The following ESR1 variants were observed in gnomAD, a reference collection of about 807,000 sequenced individuals.
ESR1 encodes the protein estrogen receptor.
In ESR1, 12 loss-of-function variants were observed where a neutral mutation model predicts 52.7. That is an observed-to-expected ratio of 0.23 (90% confidence interval 0.15 to 0.37). ESR1 has a LOEUF of 0.37. ESR1 is among the 10% of genes least tolerant of loss of function. The pLI is 1.00. For missense variants in ESR1, 584 were observed against 779.7 expected (o/e 0.75, Z 2.99); for synonymous variants, 305 against 316.8 (o/e 0.96, Z 0.39).
chr6:151,773,754 G>A (rs1785714253), intron 2 of ESR1, among the ~76,000 whole-genome samples: 1 of 152,196 alleles, frequency 6.6e-6, no homozygotes, highest in Non-Finnish European at 1.5e-5. Flanking sequence ...GTAGAGTAAA[G>A]AGCAGAACTT....
chr6:152,005,233 C>T (rs573145187), intron 4 of ESR1, among the ~76,000 whole-genome samples: 3 of 152,056 alleles, frequency 2.0e-5, no homozygotes, highest in East Asian at 3.9e-4. Flanking sequence ...AAACCCCAAA[C>T]GTGCTTTCTT....
chr6:151,998,368 CT>C (rs5880952), intron 4 of ESR1, among the ~76,000 whole-genome samples: 19,542 of 149,946 alleles, frequency 0.13, 1,481 homozygotes, highest in East Asian at 0.33. Flanking sequence ...AGTATTATTT[CT>C]TTTTTTTTTC....
At chr6:151,887,062 C>T (rs1218562179) in intron 3 of ESR1, among the ~76,000 whole-genome samples, 1 of 149,558 alleles carries the variant, frequency 6.7e-6, no homozygotes, top group African/African-American at 2.5e-5. Context: ...AAAAAGTATA[C>T]AACCAATTAT....
chr6:151,868,159 G>A (rs1790292068), intron 2 of ESR1, among the ~76,000 whole-genome samples: 1 of 151,714 alleles, frequency 6.6e-6, no homozygotes, highest in South Asian at 2.1e-4. Flanking sequence ...ATGGAGTCTC[G>A]CTCTGTCACC....
intron 1 of ESR1, among the ~76,000 whole-genome samples, chr6:151,665,182 G>A (rs1777776732): frequency 6.6e-6 from 1 of 152,114 alleles, no homozygotes; most frequent in East Asian, 1.9e-4. Flanking sequence ...CACCTAGCAT[G>A]GTCGCCTTGA....
At chr6:151,892,446 T>G (rs984344509) in intron 3 of ESR1, among the ~76,000 whole-genome samples, 15 of 152,176 alleles carry the variant, frequency 9.9e-5, no homozygotes, top group African/African-American at 3.6e-4. Flanking sequence ...CTCTTCTGAA[T>G]GGAGAGTCAC....
intron 4 of ESR1, among the ~76,000 whole-genome samples, chr6:151,958,973 C>CGT (rs58501088): frequency 0.028 from 4,131 of 148,774 alleles, 165 homozygotes; most frequent in African/African-American, 0.09. Flanking sequence ...AAAAAGTTTC[C>CGT]GTGTGTGTGT....
intron 3 of ESR1, among the ~76,000 whole-genome samples, chr6:151,919,859 G>C (rs147229305): frequency 6.6e-5 from 10 of 151,978 alleles, no homozygotes; most frequent in Admixed American, 2.6e-4. Context: ...ACATGAAGGA[G>C]GAAGAATGTT....
chr6:151,951,642 C>T (rs1374324429), intron 4 of ESR1, among the ~76,000 whole-genome samples: 1 of 152,118 alleles, frequency 6.6e-6, no homozygotes, highest in African/African-American at 2.4e-5. Context: ...TGTAATAGGA[C>T]ATCAAAATTG....
At chr6:152,068,422 TG>T (rs2048135681) in intron 6 of ESR1, among the ~76,000 whole-genome samples, 2 of 152,326 alleles carry the variant, frequency 1.3e-5, no homozygotes, top group South Asian at 2.1e-4. Flanking sequence ...ACAATTCATC[TG>T]GGGGTGTGGA....
intron 1 of ESR1, among the ~76,000 whole-genome samples, chr6:151,667,015 G>T (rs901527003): frequency 4.6e-5 from 7 of 152,148 alleles, no homozygotes; most frequent in Non-Finnish European, 1.0e-4. Context: ...TAGCAAATTA[G>T]AGTTAGAAGA....
intron 3 of ESR1, among the ~76,000 whole-genome samples, chr6:151,886,839 G>A (rs1793929348): frequency 1.3e-5 from 2 of 152,002 alleles, no homozygotes; most frequent in Non-Finnish European, 2.9e-5. Flanking sequence ...TCAGGAGTTT[G>A]AGACCAGCCT....
At chr6:151,961,359 T>C (rs1381935181) in intron 4 of ESR1, among the ~76,000 whole-genome samples, 3 of 152,130 alleles carry the variant, frequency 2.0e-5, no homozygotes, top group Non-Finnish European at 2.9e-5. Context: ...AATGCTGCTA[T>C]TGGGTCAAGT....
chr6:151,773,959 T>C (rs1266032839), intron 2 of ESR1, among the ~76,000 whole-genome samples: 1 of 152,276 alleles, frequency 6.6e-6, no homozygotes, highest in Admixed American at 6.5e-5. Context: ...ACATCCTTAG[T>C]AAAGAGAAAG....
At chr6:151,715,512 T>C (rs532616889) in intron 2 of ESR1, among the ~76,000 whole-genome samples, 1 of 152,360 alleles carries the variant, frequency 6.6e-6, no homozygotes, top group African/African-American at 2.4e-5. Context: ...AGTCCCATAT[T>C]TCTTGGAGGC....
chr6:151,977,111 G>A (rs1022211357), intron 4 of ESR1, among the ~76,000 whole-genome samples: 2 of 152,120 alleles, frequency 1.3e-5, no homozygotes, highest in Non-Finnish European at 2.9e-5. Flanking sequence ...GTATGCCATT[G>A]TAGAGAGTGA....
chr6:151,821,169 A>T (rs1384809337), intron 1 of ESR1, among the ~76,000 whole-genome samples: 2 of 149,852 alleles, frequency 1.3e-5, no homozygotes, highest in African/African-American at 5.0e-5. Context: ...CACCTAATAG[A>T]TGGAGGCATG....
chr6:151,942,246 G>A (rs1481415378), intron 3 of ESR1, among the ~76,000 whole-genome samples: 2 of 152,122 alleles, frequency 1.3e-5, no homozygotes, highest in Admixed American at 6.5e-5. Context: ...TAGTACCTAC[G>A]TAATGTCCTG....
intron 3 of ESR1, among the ~76,000 whole-genome samples, chr6:151,940,431 T>A (rs891865894): frequency 3.0e-4 from 45 of 152,202 alleles, no homozygotes; most frequent in African/African-American, 1.0e-3. Flanking sequence ...TAAATAGTCA[T>A]CTCTTTCCTC....
Sources: gnomAD v4.1 joint callset for allele counts (sites outside exome capture counted in the v4.1 genomes callset) on GRCh38, gnomAD v4.1.1 for gene constraint, MANE v1.5 for transcripts, NCBI Gene and HGNC (gene_info 2026-07-23, HGNC 2026-07-21) for gene names.